The following GUCY1A1 variants were observed in gnomAD, a reference collection of about 807,000 sequenced individuals.
The protein encoded by GUCY1A1 is guanylate cyclase soluble subunit alpha-1.
A neutral mutation model predicts 64.5 loss-of-function variants in GUCY1A1; 48 were observed. That is an observed-to-expected ratio of 0.74 (90% CI 0.59 to 0.95). The LOEUF (loss-of-function observed/expected upper bound fraction) is 0.95, where lower values mean the gene tolerates loss of function less well. Ranked by LOEUF, GUCY1A1 falls within the 40% of genes least tolerant of loss-of-function variation. The pLI, the probability that GUCY1A1 is intolerant of heterozygous loss-of-function variation, is 0.00. For missense variants in GUCY1A1, 804 were observed against 825.3 expected (o/e 0.97, Z 0.32); for synonymous variants, 308 against 303.4 (o/e 1.02, Z -0.16).
chr4:155,690,107 TATA>T (rs1729539003), intron 2 of GUCY1A1, among the ~76,000 whole-genome samples: 3 of 152,330 alleles, frequency 2.0e-5, no homozygotes, highest in South Asian at 2.1e-4. Context: ...CAAGGTGTTA[TATA>T]ATATTAGAAA....
intron 5 of GUCY1A1, among the ~76,000 whole-genome samples, chr4:155,708,665 A>G (rs1732132042): frequency 6.6e-6 from 1 of 152,230 alleles, no homozygotes; most frequent in South Asian, 2.1e-4. Context: ...AAAAGTTAAC[A>G]GTATTCTCAC....
At chr4:155,714,747 T>C (rs992690669) in intron 7 of GUCY1A1, among the ~76,000 whole-genome samples, 3 of 152,200 alleles carry the variant, frequency 2.0e-5, no homozygotes, top group Non-Finnish European at 2.9e-5. Context: ...AGTAAAACCT[T>C]ACTTTTAAAA....
chr4:155,736,270 C>T lies in GUCY1A1; in HGVS notation c.*6039C>T, dbSNP rs1383002761. 1 of 151,952 alleles carries T rather than the reference C, an allele frequency of 6.6e-6. No individual in the cohort carries two copies. The highest frequency in any genetic ancestry group is 1.5e-5 in the Non-Finnish European group (1 of 67,932). 9.4% of individuals were successfully genotyped at this position (151,952 alleles called of 1,614,324 possible). On this transcript the variant is annotated 3_prime_UTR_variant, in exon 10 of 10. Transcript: ENST00000506455. Reference sequence around the variant, plus strand: ...ATTCTAGTATTTTCTTCACCTACCCCAGTGAATCATCTTTATATTTTACTT... The same window carrying T: ...ATTCTAGTATTTTCTTCACCTACCCTAGTGAATCATCTTTATATTTTACTT...
At chr4:155,723,977 G>T (rs908062155) in intron 9 of GUCY1A1, among the ~76,000 whole-genome samples, 5 of 151,926 alleles carry the variant, frequency 3.3e-5, no homozygotes, top group Non-Finnish European at 5.9e-5. Flanking sequence ...CCTTCTTAAG[G>T]CACCAGCATC....
chr4:155,728,490 T>C (rs1255051149), intron 9 of GUCY1A1, among the ~76,000 whole-genome samples: 1 of 151,886 alleles, frequency 6.6e-6, no homozygotes, highest in Non-Finnish European at 1.5e-5. Context: ...TGTCCAATTT[T>C]TCATTATTAC....
At chr4:155,720,768 C>A (rs2126935531) in intron 8 of GUCY1A1, among the ~76,000 whole-genome samples, 1 of 152,252 alleles carries the variant, frequency 6.6e-6, no homozygotes, top group Non-Finnish European at 1.5e-5. Context: ...TTACTGAGTT[C>A]TTGGTCTTCA....
rs541433802 is a variant in GUCY1A1, at chr4:155,730,538, A to G, written c.*307A>G. The G allele has an allele frequency of 5.1e-6, 1 of 194,762 alleles. No individual in the cohort carries two copies. The highest frequency in any genetic ancestry group is 2.3e-5 in the African/African-American group (1 of 42,974). 12.1% of individuals were successfully genotyped at this position (194,762 alleles called of 1,614,324 possible). A position where few individuals can be genotyped will look rare whatever the true frequency, so the allele number is the denominator to read the frequency against. On this transcript the variant is annotated 3_prime_UTR_variant, in exon 10 of 10. Coordinates refer to ENST00000506455, the MANE Select transcript of GUCY1A1 (RefSeq NM_001130682.3). ...TACATATATCAGATAATTGTAGTCA[A>G]TTGTACAAACTGATGGAGTCACCTG...
rs1735930699 is a variant in GUCY1A1 at position 155,735,096 on chromosome 4, G to A, written c.*4865G>A. ...TTCAGTATTCTTATTTTAAGCTGCA[G>A]TAATCACTGTACATTTGATTGCCAT... On this transcript the variant is annotated 3_prime_UTR_variant, in exon 10 of 10. Transcript: ENST00000506455. 6.6e-6 allele frequency: 1 copy of A among 151,904 alleles called. No individual in the cohort carries two copies. Among genetic ancestry groups the A allele is most frequent in the Non-Finnish European group, 1.5e-5 (1 of 67,936 alleles). The allele number at this position is 151,904 out of a possible 1,614,324, so 9.4% of individuals were successfully genotyped here. A position where few individuals can be genotyped will look rare whatever the true frequency, so the allele number is the denominator to read the frequency against.
rs770668312 is a variant in GUCY1A1, at chr4:155,710,624, G to C, written c.459G>C (p.Gly153=). 6.2e-7 allele frequency: 1 copy of C among 1,613,472 alleles called. No individual in the cohort carries two copies. Among genetic ancestry groups the C allele is most frequent in the Non-Finnish European group, 8.5e-7 (1 of 1,179,472 alleles). ...ACGAGGAAGATGAAAACATCCTTGG[G>C]GTGGTTGGAGGCACCCTTAAAGATT... The part of the protein sequence containing the change: ...ICYEEDENIL[G]VVGGTLKDFL... Residue 153 remains glycine, a synonymous_variant, in exon 6 of 10, where the codon GGG becomes GGC. Coordinates refer to ENST00000506455, the MANE Select transcript of GUCY1A1 (RefSeq NM_001130682.3).
In GUCY1A1 at chr4:155,735,563, GA is replaced by G. The variant is rs1231723900; in HGVS notation, c.*5336del. Reference sequence around the variant, plus strand: ...TAATTTTTTAAATTATATAATGTCAGAAAATTAAATCACAAATGAGCCTTCC... The same window carrying G: ...TAATTTTTTAAATTATATAATGTCAGAAATTAAATCACAAATGAGCCTTCC... On this transcript the variant is annotated 3_prime_UTR_variant, in exon 10 of 10. Coordinates refer to ENST00000506455, the MANE Select transcript of GUCY1A1 (RefSeq NM_001130682.3). The G allele has an allele frequency of 6.6e-6, 1 of 151,890 alleles. No individual in the cohort carries two copies. The highest frequency in any genetic ancestry group is 1.5e-5 in the Non-Finnish European group (1 of 67,920). The allele number at this position is 151,890 out of a possible 1,614,324, so 9.4% of individuals were successfully genotyped here.
At chr4:155,676,530 G>T (rs543426990) in intron 2 of GUCY1A1, among the ~76,000 whole-genome samples, 1 of 151,548 alleles carries the variant, frequency 6.6e-6, no homozygotes, top group South Asian at 2.1e-4. Flanking sequence ...ACAGTGAAAA[G>T]GTATTTGGCT....
chr4:155,673,312 T>G (rs1268072958), intron 2 of GUCY1A1, among the ~76,000 whole-genome samples: 2 of 151,536 alleles, frequency 1.3e-5, no homozygotes, highest in Admixed American at 6.6e-5. Flanking sequence ...ACTCCTTGAC[T>G]TGAAGGAATT....
chr4:155,678,415 T>A (rs1396133462), intron 2 of GUCY1A1, among the ~76,000 whole-genome samples: 2 of 152,330 alleles, frequency 1.3e-5, no homozygotes, highest in South Asian at 2.1e-4. Context: ...TTTACAATAA[T>A]TTTATATCAA....
At chr4:155,671,965 C>T (rs554947078) in intron 2 of GUCY1A1, among the ~76,000 whole-genome samples, 234 of 151,908 alleles carry the variant, frequency 1.5e-3, no homozygotes, top group Non-Finnish European at 2.6e-3. Flanking sequence ...TTTATCTTCT[C>T]TGGATATCAT....
intron 4 of GUCY1A1, among the ~76,000 whole-genome samples, chr4:155,707,839 C>CT (rs67716734): frequency 4.3e-4 from 62 of 143,252 alleles, no homozygotes; most frequent in African/African-American, 1.3e-3. Flanking sequence ...TTCTTTCTTT[C>CT]TTTTTTTTTT....
intron 2 of GUCY1A1, among the ~76,000 whole-genome samples, chr4:155,694,179 C>T (rs1730128232): frequency 1.3e-5 from 2 of 151,976 alleles, no homozygotes; most frequent in African/African-American, 4.8e-5. Context: ...AATAGTGGTA[C>T]TATTATTTGT....
In GUCY1A1 at chr4:155,734,517, G is replaced by A. The variant is rs1348639745; in HGVS notation, c.*4286G>A. 1.3e-5 allele frequency: 2 copies of A among 151,926 alleles called. No homozygotes were observed. The highest frequency in any genetic ancestry group is 4.8e-5 in the African/African-American group (2 of 41,396). 9.4% of individuals were successfully genotyped at this position (151,926 alleles called of 1,614,324 possible). ...ACCTTTCACTGAACAGTAAAACATG[G>A]ATCATTTATTTCACCTCATTTTGCA... On this transcript the variant is annotated 3_prime_UTR_variant, in exon 10 of 10. Coordinates refer to ENST00000506455, the MANE Select transcript of GUCY1A1 (RefSeq NM_001130682.3).
intron 4 of GUCY1A1, among the ~76,000 whole-genome samples, chr4:155,706,512 C>G (rs923125351): frequency 2.0e-5 from 3 of 151,334 alleles, no homozygotes; most frequent in Non-Finnish European, 4.4e-5. Flanking sequence ...ACTAGAGCTG[C>G]CCCCCTCCTC....
chr4:155,713,298 G>A lies in GUCY1A1; in HGVS notation c.1287G>A (p.Leu429=). 6.2e-7 allele frequency: 1 copy of A among 1,614,142 alleles called. No individual in the cohort carries two copies. The highest frequency in any genetic ancestry group is 8.5e-7 in the Non-Finnish European group (1 of 1,180,004). Residue 429 remains leucine (L), a synonymous_variant, in exon 7 of 10, where the codon CTG becomes CTA. Transcript: ENST00000506455. ...ARAQDGLKKR[L]GKLKATLEQA... Reference sequence around the variant, plus strand: ...CTCAAGATGGCCTGAAGAAGAGGCTGGGGAAGCTGAAGGCTACCCTTGAGC... The same window carrying A: ...CTCAAGATGGCCTGAAGAAGAGGCTAGGGAAGCTGAAGGCTACCCTTGAGC...
Sources: allele counts gnomAD v4.1 joint callset (sites outside exome capture counted in the v4.1 genomes callset), GRCh38; gene constraint gnomAD v4.1.1; transcripts MANE v1.5; gene names NCBI Gene and HGNC (gene_info 2026-07-23, HGNC 2026-07-21).